Variants in PTPN12 observed in about 807,000 individuals in gnomAD.
The protein encoded by PTPN12 is tyrosine-protein phosphatase non-receptor type 12.
In PTPN12, 29 loss-of-function variants were observed where a neutral mutation model predicts 97.6. The observed-to-expected ratio is 0.30, with a 90% CI of 0.22 to 0.41. The LOEUF (loss-of-function observed/expected upper bound fraction) is 0.41, where lower values mean the gene tolerates loss of function less well. Ranked by LOEUF, PTPN12 falls within the 10% of genes least tolerant of loss-of-function variation. PTPN12 has a pLI of 1.00. For synonymous variants in PTPN12, 327 were observed against 300.4 expected, an observed-to-expected ratio of 1.09 and a Z score of -0.91; for missense variants, 819 against 926.0, an observed-to-expected ratio of 0.88 and a Z score of 1.50.
rs778711954 is a variant in PTPN12, at chr7:77,622,081, A to G, written c.1025+3516A>G. 2.0e-5 allele frequency among the ~76,000 whole-genome samples: 3 copies of G among 152,142 alleles called. 1 individual carries two copies. The highest frequency in any genetic ancestry group is 4.1e-4 in the South Asian group (2 of 4,822). On this transcript the variant is annotated intron_variant, in intron 12 of 17. Coordinates refer to ENST00000248594, the MANE Select transcript of PTPN12 (RefSeq NM_002835.4). Reference sequence around the variant, plus strand: ...TTGAACCTCCCACCCTAGACTCCCAACTAGCTGGAACTATAGACACACACC... The same window carrying G: ...TTGAACCTCCCACCCTAGACTCCCAGCTAGCTGGAACTATAGACACACACC...
chr7:77,625,468 GCTCGCTCTCTCTCTCTCTCT>G lies in PTPN12; in HGVS notation c.1026-1233_1026-1214del, dbSNP rs1247148892. Reference sequence around the variant, plus strand: ...AGGGTTTTGCCATATTGCCCAGGCTGCTCGCTCTCTCTCTCTCTCTCTCTCTCTCTCTCTCTCTCTCTCTC... The same window carrying G: ...AGGGTTTTGCCATATTGCCCAGGCTGCTCTCTCTCTCTCTCTCTCTCTCTC... On this transcript the variant is annotated intron_variant, in intron 12 of 17. Coordinates refer to ENST00000248594, the MANE Select transcript of PTPN12 (RefSeq NM_002835.4). Among the ~76,000 whole-genome samples, 7 of 24,752 alleles carry G rather than the reference GCTCGCTCTCTCTCTCTCTCT, an allele frequency of 2.8e-4. 1 individual carries two copies. Among genetic ancestry groups the G allele is most frequent in the African/African-American group, 1.7e-3 (7 of 4,050 alleles). The allele number at this position is 24,752 out of a possible 152,430, so 16.2% of individuals were successfully genotyped here. A position where few individuals can be genotyped will look rare whatever the true frequency, so the allele number is the denominator to read the frequency against.
chr7:77,607,276 A>G lies in PTPN12; in HGVS notation c.737A>G (p.Tyr246Cys). 1 of 1,611,912 alleles carries G rather than the reference A, an allele frequency of 6.2e-7. No individual in the cohort carries two copies. ...ACAGGTGCCATTTGTGCCATAGATTATACGTGGAATTTACTAAAAGCTGGG... is the reference window on the plus strand; with the variant it reads ...ACAGGTGCCATTTGTGCCATAGATTGTACGTGGAATTTACTAAAAGCTGGG... ...GRTGAICAID[Y>C]TWNLLKAGKI... The change falls in exon 9 of 18, where the codon TAT (tyrosine) becomes TGT (cysteine). Residue 246 changes from tyrosine (Y) to cysteine (C), a missense_variant. Tyr to Cys is a radical substitution (Grantham distance 194). This residue lies in a region of PTPN12 where 42 missense variants were observed against 120.9 expected (regional missense o/e 0.35). Transcript: ENST00000248594.
At chr7:77,556,564 A>G (rs1807720925) in intron 1 of PTPN12, among the ~76,000 whole-genome samples, 1 of 152,054 alleles carries the variant, frequency 6.6e-6, no homozygotes, top group Admixed American at 6.5e-5. Flanking sequence ...AGAATGGAAT[A>G]TTCGGCCAGG....
At chr7:77,554,692 G>C (rs973938835) in intron 1 of PTPN12, among the ~76,000 whole-genome samples, 1 of 152,058 alleles carries the variant, frequency 6.6e-6, no homozygotes, top group Admixed American at 6.6e-5. Context: ...AATCTTTTCT[G>C]GGGGACAGGG....
At chr7:77,605,790 G>A (rs1038148394) in intron 8 of PTPN12, among the ~76,000 whole-genome samples, 1 of 151,766 alleles carries the variant, frequency 6.6e-6, no homozygotes, top group Admixed American at 6.6e-5. Context: ...TAGTTTTTTG[G>A]GATATGAGAG....
chr7:77,549,198 A>AG (rs1807360860), intron 1 of PTPN12, among the ~76,000 whole-genome samples: 1 of 152,216 alleles, frequency 6.6e-6, no homozygotes, highest in African/African-American at 2.4e-5. Context: ...AGAGAAAGGA[A>AG]GGGATGGCTT....
rs1206773569 is a variant in PTPN12 at position 77,610,618 on chromosome 7, GCA to G, written c.763-144_763-143del. The G allele has an allele frequency of 4.8e-6, 4 of 833,178 alleles. No homozygotes were observed. The African/African-American group carries it at 6.9e-5, about 14-fold the overall frequency. The allele number at this position is 833,178 out of a possible 1,614,324, so 51.6% of individuals were successfully genotyped here. On this transcript the variant is annotated intron_variant, in intron 9 of 17. Transcript: ENST00000248594. ...AACAGTTTTGTTTCCACAGTGCCAAGCACAGTGTCTGAGATGCATTAAGTGGT... is the reference window on the plus strand; with the variant it reads ...AACAGTTTTGTTTCCACAGTGCCAAGCAGTGTCTGAGATGCATTAAGTGGT...
At chr7:77,621,051 CATATAT>C (rs34626577) in intron 12 of PTPN12, among the ~76,000 whole-genome samples, 29 of 148,742 alleles carry the variant, frequency 1.9e-4, no homozygotes, top group African/African-American at 6.9e-4. Context: ...TGCTTGAATC[CATATAT>C]ATATATATAT....
chr7:77,571,542 T>A lies in PTPN12; in HGVS notation c.208+356T>A, dbSNP rs113764412. Among the ~76,000 whole-genome samples the A allele has an allele frequency of 2.6e-5, 4 of 152,322 alleles. 1 individual carries two copies. The highest frequency in any genetic ancestry group is 9.6e-5 in the African/African-American group (4 of 41,548). Reference sequence around the variant, plus strand: ...AAATGCTAACAATGTTGATTTTTCATATATCTATACATAAGAACCTTAATT... The same window carrying A: ...AAATGCTAACAATGTTGATTTTTCAAATATCTATACATAAGAACCTTAATT... On this transcript the variant is annotated intron_variant, in intron 2 of 17. Coordinates refer to ENST00000248594, the MANE Select transcript of PTPN12 (RefSeq NM_002835.4).
intron 1 of PTPN12, among the ~76,000 whole-genome samples, chr7:77,550,307 G>A (rs1807423059): frequency 6.6e-6 from 1 of 152,192 alleles, no homozygotes; most frequent in Admixed American, 6.5e-5. Flanking sequence ...ATCTAATACG[G>A]TAAATAGATT....
At chr7:77,583,914 A>G in intron 4 of PTPN12, 1 of 301,004 alleles carries the variant, frequency 3.3e-6, no homozygotes, top group South Asian at 4.1e-5. Flanking sequence ...AACAACTTAT[A>G]AAAAGCAGAA....
At chr7:77,586,494 GGATCACT>G (rs1290532492) in intron 5 of PTPN12, among the ~76,000 whole-genome samples, 1 of 152,140 alleles carries the variant, frequency 6.6e-6, no homozygotes, top group Non-Finnish European at 1.5e-5. Context: ...GGAGGTGGGA[GGATCACT>G]TGAGCCCAGA....
intron 8 of PTPN12, among the ~76,000 whole-genome samples, chr7:77,602,610 C>A (rs1788225955): frequency 6.7e-6 from 1 of 150,208 alleles, no homozygotes; most frequent in African/African-American, 2.5e-5. Flanking sequence ...ACATAGTAGA[C>A]CCTATCTTTT....
At chr7:77,597,454 G>A (rs902156212) in intron 6 of PTPN12, among the ~76,000 whole-genome samples, 3 of 152,164 alleles carry the variant, frequency 2.0e-5, no homozygotes, top group Admixed American at 6.5e-5. Flanking sequence ...CATACAGTAT[G>A]TAGCCTTTTC....
At chr7:77,606,532 G>A (rs949759931) in intron 8 of PTPN12, among the ~76,000 whole-genome samples, 7 of 150,934 alleles carry the variant, frequency 4.6e-5, no homozygotes, top group Admixed American at 6.6e-5. Context: ...AAAGTGCTGG[G>A]ACAACAGGCA....
intron 13 of PTPN12, among the ~76,000 whole-genome samples, chr7:77,628,808 G>A (rs541108506): frequency 6.6e-6 from 1 of 152,098 alleles, no homozygotes; most frequent in East Asian, 1.9e-4. Flanking sequence ...AAAGTGCTGG[G>A]ATTACAGACG....
At chr7:77,622,372 A>T (rs1788970029) in intron 12 of PTPN12, among the ~76,000 whole-genome samples, 1 of 152,218 alleles carries the variant, frequency 6.6e-6, no homozygotes, top group South Asian at 2.1e-4. Flanking sequence ...GTAAAATGAA[A>T]AAGATGGGGG....
intron 1 of PTPN12, among the ~76,000 whole-genome samples, chr7:77,560,764 A>G (rs1347431689): frequency 1.3e-5 from 2 of 152,208 alleles, no homozygotes; most frequent in South Asian, 4.1e-4. Context: ...ACTGCATTGT[A>G]TGTATATACT....
chr7:77,601,675 A>G (rs765468700), intron 8 of PTPN12, among the ~76,000 whole-genome samples: 69 of 152,188 alleles, frequency 4.5e-4, no homozygotes, highest in Non-Finnish European at 7.9e-4. Flanking sequence ...TAAGATACAT[A>G]CCAATCTCAG....
Sources: allele counts gnomAD v4.1 joint callset (sites outside exome capture counted in the v4.1 genomes callset), GRCh38; gene constraint gnomAD v4.1.1; regional missense constraint gnomAD v4.1.1; transcripts MANE v1.5; gene names NCBI Gene and HGNC (gene_info 2026-07-23, HGNC 2026-07-21).